The following SUMF1 variants were observed in gnomAD, a reference collection of about 807,000 sequenced individuals.
SUMF1 encodes the protein sulfatase modifying factor 1, also known as formylglycine-generating enzyme.
SUMF1 carries 48 observed loss-of-function variants against 47.6 expected under a neutral mutation model. The observed-to-expected ratio is 1.01, with a 90% confidence interval of 0.80 to 1.28. SUMF1 has a LOEUF of 1.28. Among genes scored for constraint, SUMF1 ranks in the 50% most tolerant of loss-of-function variants. The probability of loss-of-function intolerance (pLI) is 0.00; values close to 1 mark genes in which losing one functional copy is unlikely to be tolerated. For synonymous variants in SUMF1, 230 were observed against 192.1 expected (o/e 1.20, Z -1.63); for missense variants, 571 against 485.4 (o/e 1.18, Z -1.66).
At chr3:4,368,372 CTT>C (rs1700051855) in intron 8 of SUMF1, among the ~76,000 whole-genome samples, 1 of 152,204 alleles carries the variant, frequency 6.6e-6, no homozygotes, top group Non-Finnish European at 1.5e-5. Flanking sequence ...AATAGAGACA[CTT>C]TTGCACTGTT....
At chr3:4,418,869 G>A (rs1053266898) in intron 4 of SUMF1, among the ~76,000 whole-genome samples, 5 of 152,176 alleles carry the variant, frequency 3.3e-5, no homozygotes, top group African/African-American at 9.7e-5. Flanking sequence ...AAAGGGGATA[G>A]ACTCATTCAC....
intron 8 of SUMF1, among the ~76,000 whole-genome samples, chr3:4,083,590 G>C (rs944089500): frequency 1.3e-5 from 2 of 152,092 alleles, no homozygotes; most frequent in African/African-American, 4.8e-5. Flanking sequence ...TTTGCAACTT[G>C]TTCCAAGGAA....
chr3:4,081,863 C>A (rs1322870064), intron 8 of SUMF1, among the ~76,000 whole-genome samples: 1 of 152,080 alleles, frequency 6.6e-6, no homozygotes, highest in Non-Finnish European at 1.5e-5. Flanking sequence ...GTATGTAAAG[C>A]TCATACCTGG....
intron 9 of SUMF1, among the ~76,000 whole-genome samples, chr3:4,048,822 C>A (rs1446526439): frequency 1.3e-5 from 2 of 152,134 alleles, no homozygotes; most frequent in African/African-American, 4.8e-5. Flanking sequence ...ATTCTAATTT[C>A]TCTGAGGCAG....
chr3:4,273,612 ATCTTT>A (rs1697347166), intron 8 of SUMF1, among the ~76,000 whole-genome samples: 2 of 151,762 alleles, frequency 1.3e-5, no homozygotes, highest in Non-Finnish European at 2.9e-5. Context: ...TGTACTAAAA[ATCTTT>A]TAACTATATA....
chr3:4,238,398 G>A (rs762247090), intron 8 of SUMF1, among the ~76,000 whole-genome samples: 1 of 152,268 alleles, frequency 6.6e-6, no homozygotes, highest in East Asian at 1.9e-4. Context: ...CACCAACAGT[G>A]TAAAAGCATT....
At chr3:4,203,102 C>G (rs1428790375) in intron 8 of SUMF1, among the ~76,000 whole-genome samples, 1 of 151,822 alleles carries the variant, frequency 6.6e-6, no homozygotes, top group African/African-American at 2.4e-5. Context: ...ATCAAATAGA[C>G]CATTTGGTCT....
At chr3:4,276,740 G>C (rs1223507989) in intron 8 of SUMF1, among the ~76,000 whole-genome samples, 1 of 152,054 alleles carries the variant, frequency 6.6e-6, no homozygotes, top group African/African-American at 2.4e-5. Flanking sequence ...TCCAAATATG[G>C]CTTCATAGGC....
At position 4,343,624 on chromosome 3, in the gene SUMF1, A is replaced by G. The variant is rs17040405; in HGVS notation, c.1014+32706T>C. On this transcript the variant is annotated intron_variant and NMD_transcript_variant, in intron 8 of 12. Transcript: ENST00000448413. Reference sequence around the variant, plus strand: ...TGCACCCTACAGAAGAATTTCTCCTATGCTGAGCTACCTTGGCTGTTCTCA... The same window carrying G: ...TGCACCCTACAGAAGAATTTCTCCTGTGCTGAGCTACCTTGGCTGTTCTCA... 4.8e-3 allele frequency among the ~76,000 whole-genome samples: 731 copies of G among 152,326 alleles called. 7 individuals are homozygous for G. Among genetic ancestry groups the G allele is most frequent in the African/African-American group, 0.017 (705 of 41,576 alleles).
intron 3 of SUMF1, among the ~76,000 whole-genome samples, chr3:4,432,417 C>T (rs1702261615): frequency 6.6e-6 from 1 of 152,134 alleles, no homozygotes; most frequent in Non-Finnish European, 1.5e-5. Context: ...TTAATTAGAT[C>T]CAATGGCTTC....
chr3:4,459,745 T>C (rs2079762281), intron 1 of SUMF1, among the ~76,000 whole-genome samples: 1 of 152,176 alleles, frequency 6.6e-6, no homozygotes, highest in Non-Finnish European at 1.5e-5. Context: ...TCTCCCTCTT[T>C]TCTACCCCCA....
intron 9 of SUMF1, among the ~76,000 whole-genome samples, chr3:4,037,792 T>C (rs2125015031): frequency 6.6e-6 from 1 of 152,308 alleles, no homozygotes; most frequent in East Asian, 1.9e-4. Flanking sequence ...TGTGTGTTCC[T>C]TTAACTGTGA....
Position 4,253,312 on chromosome 3 carries a change from G to C in SUMF1, c.1014+123018C>G, listed in dbSNP as rs546402199. The stretch of plus-strand genomic sequence containing the variant: ...GTCTACAGCTCCCAGCGTGAGTGAC[G>C]CAGAAGACAGGTGATTTCTGCATTT... On this transcript the variant is annotated intron_variant and NMD_transcript_variant, in intron 8 of 12. Transcript: ENST00000448413. Among the ~76,000 whole-genome samples, 40 of 152,328 alleles carry C rather than the reference G, an allele frequency of 2.6e-4. No individual in the cohort carries two copies. The South Asian group carries it at 4.1e-3, about 16-fold the overall frequency.
At chr3:4,236,867 C>T (rs920326551) in intron 8 of SUMF1, among the ~76,000 whole-genome samples, 9 of 152,078 alleles carry the variant, frequency 5.9e-5, no homozygotes, top group African/African-American at 1.9e-4. Flanking sequence ...ATGGTTTAAG[C>T]GTTCCAAAAA....
chr3:4,348,556 A>G (rs544163388), intron 8 of SUMF1, among the ~76,000 whole-genome samples: 2 of 152,172 alleles, frequency 1.3e-5, no homozygotes, highest in East Asian at 3.9e-4. Flanking sequence ...TAAATGTAAA[A>G]CCCAAAACCA....
intron 8 of SUMF1, among the ~76,000 whole-genome samples, chr3:4,136,713 A>G (rs1184302098): frequency 6.7e-6 from 1 of 149,132 alleles, no homozygotes; most frequent in Admixed American, 6.7e-5. Context: ...AATTTTTGCA[A>G]TCTACTCATC....
Position 4,217,514 on chromosome 3 carries a change from T to TATATATATATA in SUMF1, c.1015-148770_1015-148769insTATATATATAT, listed in dbSNP as rs1553610066. Among the ~76,000 whole-genome samples the TATATATATATA allele has an allele frequency of 3.1e-4, 14 of 45,200 alleles. 1 individual carries two copies. The highest frequency in any genetic ancestry group is 1.1e-3 in the African/African-American group (11 of 9,642). 29.7% of individuals were successfully genotyped at this position (45,200 alleles called of 152,430 possible). A position where few individuals can be genotyped will look rare whatever the true frequency, so the allele number is the denominator to read the frequency against. On this transcript the variant is annotated intron_variant and NMD_transcript_variant, in intron 8 of 12. Coordinates refer to the SUMF1 transcript ENST00000448413. ...TGTATCCCAGAACTTAAAGTATTTTTTATATATATATATATATATATATAT... is the reference window on the plus strand; with the variant it reads ...TGTATCCCAGAACTTAAAGTATTTTTATATATATATATATATATATATATATATATATATAT...
At chr3:4,407,687 T>A (rs1264785886) in intron 7 of SUMF1, among the ~76,000 whole-genome samples, 5 of 152,208 alleles carry the variant, frequency 3.3e-5, no homozygotes, top group Admixed American at 3.3e-4. Flanking sequence ...CCAGACCAGA[T>A]GAGAACTACC....
At chr3:4,123,680 G>C (rs527464078) in intron 8 of SUMF1, among the ~76,000 whole-genome samples, 1 of 152,252 alleles carries the variant, frequency 6.6e-6, no homozygotes, top group South Asian at 2.1e-4. Flanking sequence ...GGAATTATGA[G>C]ACCATTGTTC....
Sources: gnomAD v4.1 joint callset for allele counts (sites outside exome capture counted in the v4.1 genomes callset) on GRCh38, gnomAD v4.1.1 for gene constraint, MANE v1.5 for transcripts, NCBI Gene and HGNC (gene_info 2026-07-23, HGNC 2026-07-21) for gene names.